EVC: variants seen among roughly 807,000 people sequenced by gnomAD.
EVC encodes the protein EvC ciliary complex subunit 1.
In EVC, 116 loss-of-function variants were observed where a neutral mutation model predicts 118.9. That is an observed-to-expected ratio of 0.98 (90% CI 0.84 to 1.14). The LOEUF (loss-of-function observed/expected upper bound fraction) is 1.14. EVC is among the 50% of genes most tolerant of loss of function. EVC has a pLI of 0.00. For synonymous variants in EVC, 619 were observed against 534.7 expected, an observed-to-expected ratio of 1.16 and a Z score of -2.18; for missense variants, 1,401 against 1,246.4, an observed-to-expected ratio of 1.12 and a Z score of -1.87.
chr4:5,745,662 G>A (rs1729258057), intron 7 of EVC, among the ~76,000 whole-genome samples: 1 of 152,218 alleles, frequency 6.6e-6, no homozygotes, highest in Non-Finnish European at 1.5e-5. Context: ...GTAGAAGAAA[G>A]CTGCTAGGCA....
chr4:5,783,921 T>C (rs992268893), intron 12 of EVC, among the ~76,000 whole-genome samples, 157 bp downstream of exon 12: 2 of 151,978 alleles, frequency 1.3e-5, no homozygotes, highest in African/African-American at 4.8e-5. Flanking sequence ...ACCACAGGGG[T>C]GGGATGAGAG....
At chr4:5,786,753 T>A (rs1044377305) in intron 12 of EVC, among the ~76,000 whole-genome samples, 10 of 151,570 alleles carry the variant, frequency 6.6e-5, no homozygotes, top group South Asian at 2.1e-4. Context: ...GTGCCTGTAG[T>A]CCCAGCTACT....
rs143083654 is a variant in EVC, at chr4:5,759,871, G to A, written c.1563+3509G>A. Among the ~76,000 whole-genome samples, 113 of 152,262 alleles carry A rather than the reference G, an allele frequency of 7.4e-4. 1 individual carries two copies. Among genetic ancestry groups the A allele is most frequent in the African/African-American group, 2.6e-3 (109 of 41,548 alleles). On this transcript the variant is annotated intron_variant, in intron 11 of 20. Transcript: ENST00000264956. The stretch of plus-strand genomic sequence containing the variant: ...TGACGACACGCGCCCAAGGGGGTCC[G>A]GACACAGCGTGGTTTTATACATTTT...
downstream of EVC, among the ~76,000 whole-genome samples, chr4:5,814,884 T>A (rs1002557187): frequency 1.3e-5 from 2 of 151,882 alleles, no homozygotes; most frequent in African/African-American, 2.4e-5. Flanking sequence ...CCCCTTAGAT[T>A]CTAGGTCCTG....
chr4:5,772,316 C>G (rs1346532663), intron 11 of EVC, among the ~76,000 whole-genome samples: 1 of 151,990 alleles, frequency 6.6e-6, no homozygotes, highest in Non-Finnish European at 1.5e-5. Context: ...ATTTTCACAA[C>G]CATCTTACCT....
chr4:5,772,293 T>G (rs1017853975), intron 11 of EVC, among the ~76,000 whole-genome samples: 1 of 152,132 alleles, frequency 6.6e-6, no homozygotes, highest in Admixed American at 6.5e-5. Context: ...GCTACCCCTC[T>G]TTCCTTTTGG....
Position 5,797,204 on chromosome 4 carries a change from A to C in EVC, c.2069A>C (p.Glu690Ala), listed in dbSNP as rs1273222229. ...LEQGSSQCLD[E>A]HQWQLLRALE... ...CAGGGGTCCTCCCAGTGCCTGGACG[A>C]GCATCAGTGGCAGCTGCTCAGGGCC... Residue 690 changes from glutamate (E) to alanine (A), a missense_variant, in exon 14 of 21, where the codon GAG becomes GCG. Physicochemically the swap from Glu to Ala is moderately radical, Grantham distance 107 (BLOSUM62 -1). Transcript: ENST00000264956. 4 of 1,612,060 alleles carry C rather than the reference A, an allele frequency of 2.5e-6. No individual in the cohort carries two copies. Among genetic ancestry groups the C allele is most frequent in the African/African-American group, 1.3e-5 (1 of 74,912 alleles).
At chr4:5,718,981 C>T (rs929581693) in intron 1 of EVC, among the ~76,000 whole-genome samples, 4 of 152,194 alleles carry the variant, frequency 2.6e-5, no homozygotes, top group South Asian at 2.1e-4. Flanking sequence ...GCCTCAAGTC[C>T]TGAGGGTGCA....
Position 5,711,600 on chromosome 4 carries a change from C to T in EVC, c.174+46C>T, listed in dbSNP as rs1035132634. The T allele has an allele frequency of 3.5e-6, 4 of 1,159,212 alleles. No individual in the cohort carries two copies. The South Asian group carries it at 1.3e-4, about 38-fold the overall frequency. 71.8% of individuals were successfully genotyped at this position (1,159,212 alleles called of 1,614,324 possible). ...GCGGCGGGGCGGGGAGCGCGGGGCGCGTGGCTTCTGGGTCCTGCGGGCCCG... is the reference window on the plus strand; with the variant it reads ...GCGGCGGGGCGGGGAGCGCGGGGCGTGTGGCTTCTGGGTCCTGCGGGCCCG... On this transcript the variant is annotated intron_variant, in intron 1 of 20. Transcript: ENST00000264956.
chr4:5,731,367 C>T lies in EVC; in HGVS notation c.385-58C>T, dbSNP rs1016097312. ...TGAATCACTGGTAGAATTATGAATA[C>T]TAGATCAAATCCCAGAGGCATCACA... is the stretch of plus-strand genomic sequence containing the variant. On this transcript the variant is annotated intron_variant, in intron 3 of 20. Transcript: ENST00000264956. This position sits in a 1 kb window ranked among gnomAD's most constrained non-coding sequence, Gnocchi z 5.6. 3.0e-6 allele frequency: 4 copies of T among 1,350,906 alleles called. No individual in the cohort carries two copies. Among genetic ancestry groups the T allele is most frequent in the African/African-American group, 1.4e-5 (1 of 69,628 alleles). 83.7% of individuals were successfully genotyped at this position (1,350,906 alleles called of 1,614,324 possible).
intron 2 of EVC, among the ~76,000 whole-genome samples, chr4:5,720,524 G>T (rs1384729175): frequency 6.6e-6 from 1 of 152,200 alleles, no homozygotes; most frequent in Non-Finnish European, 1.5e-5. Context: ...CGCAGCCTTA[G>T]CTTACCACAG....
At chr4:5,745,386 A>T (rs199743160) in intron 7 of EVC, 45 bp downstream of exon 7, 39 of 1,606,594 alleles carry the variant, frequency 2.4e-5, no homozygotes, top group Non-Finnish European at 3.2e-5. Context: ...TTGGTTCCTA[A>T]AACAGTTAAA....
At chr4:5,732,224 G>T (rs140463979) in intron 4 of EVC, among the ~76,000 whole-genome samples, 174 of 152,298 alleles carry the variant, frequency 1.1e-3, no homozygotes, top group African/African-American at 4.2e-3. Context: ...GCAGGGCTCC[G>T]CACGTGGTGG....
In EVC at chr4:5,809,624, T is replaced by G; in HGVS notation, c.2782+13T>G. 1 of 1,612,402 alleles carries G rather than the reference T, an allele frequency of 6.2e-7. No individual in the cohort carries two copies. Among genetic ancestry groups the G allele is most frequent in the Non-Finnish European group, 8.5e-7 (1 of 1,178,514 alleles). ...CGTGGGCTGCTAGGTGAGTCACAGA[T>G]GCTTGAGTTGCAGCGGGAAGCACTC... On this transcript the variant is annotated intron_variant, in intron 19 of 20. Coordinates refer to ENST00000264956, the MANE Select transcript of EVC (RefSeq NM_153717.3).
chr4:5,776,615 T>C (rs2152253414), intron 11 of EVC, among the ~76,000 whole-genome samples: 1 of 152,304 alleles, frequency 6.6e-6, no homozygotes, highest in South Asian at 2.1e-4. Flanking sequence ...CCTCCGATCC[T>C]TCAGAGACTC....
intron 11 of EVC, among the ~76,000 whole-genome samples, chr4:5,767,951 T>A (rs920886760): frequency 2.0e-5 from 3 of 152,230 alleles, no homozygotes; most frequent in African/African-American, 7.2e-5. Flanking sequence ...AGAATTTTAC[T>A]TTTCTTCCTC....
At position 5,723,478 on chromosome 4, in the gene EVC, C is replaced by T. The variant is rs564104661; in HGVS notation, c.300+4105C>T. On this transcript the variant is annotated intron_variant, in intron 2 of 20. Transcript: ENST00000264956. ...TGCTGGGATTACAGGTGTGAGCCAC[C>T]GCGCCTGGTCCTTTCCTTTTCATAA... 4.6e-5 allele frequency among the ~76,000 whole-genome samples: 7 copies of T among 152,186 alleles called. No individual in the cohort carries two copies. The East Asian group carries it at 5.8e-4, about 13-fold the overall frequency.
the EVC span, among the ~76,000 whole-genome samples, chr4:5,827,746 C>CACACACACACACAT: frequency 6.5e-4 from 99 of 152,054 alleles, no homozygotes; most frequent in African/African-American, 2.1e-3. Flanking sequence ...CACACACACA[C>CACACACACACACAT]ACACACACGA....
chr4:5,816,366 C>G (rs909308755), downstream of EVC, among the ~76,000 whole-genome samples: 1 of 152,184 alleles, frequency 6.6e-6, no homozygotes, highest in African/African-American at 2.4e-5. Flanking sequence ...AGAAATCCTT[C>G]CCTGCGTGAG....
Sources: allele counts gnomAD v4.1 joint callset (sites outside exome capture counted in the v4.1 genomes callset), GRCh38; gene constraint gnomAD v4.1.1; non-coding constraint Gnocchi (gnomAD v3.1); transcripts MANE v1.5; gene names NCBI Gene and HGNC (gene_info 2026-07-23, HGNC 2026-07-21).